The following TRAPPC9 variants were observed in gnomAD, a reference collection of about 807,000 sequenced individuals.
TRAPPC9 encodes trafficking protein particle complex subunit 9.
Under a neutral mutation model 124.0 loss-of-function variants are expected in TRAPPC9, and 83 were observed. The observed-to-expected ratio is 0.67, with a 90% CI of 0.56 to 0.80. TRAPPC9 has a LOEUF of 0.80. Among genes scored for constraint, TRAPPC9 ranks in the 30% least tolerant of loss-of-function variants. TRAPPC9 has a pLI of 0.00. For missense variants in TRAPPC9, 1,302 were observed against 1,508.3 expected, an observed-to-expected ratio of 0.86 and a Z score of 2.27; for synonymous variants, 638 against 617.5, an observed-to-expected ratio of 1.03 and a Z score of -0.49.
chr8:139,967,541 G>A (rs2131592631), intron 19 of TRAPPC9, among the ~76,000 whole-genome samples: 1 of 152,326 alleles, frequency 6.6e-6, no homozygotes, highest in South Asian at 2.1e-4. Context: ...GGCTCCCAGT[G>A]GAGAGACTGA....
chr8:139,960,451 T>G (rs1835303807), intron 19 of TRAPPC9, among the ~76,000 whole-genome samples: 2 of 152,180 alleles, frequency 1.3e-5, no homozygotes, highest in South Asian at 4.1e-4. Flanking sequence ...TGGTCTGAAC[T>G]GGCCACCCCT....
intron 20 of TRAPPC9, among the ~76,000 whole-genome samples, chr8:139,901,634 G>T (rs929201893): frequency 6.6e-6 from 1 of 152,200 alleles, no homozygotes; most frequent in Non-Finnish European, 1.5e-5. Context: ...TGGGGCGATG[G>T]GTACCAATCA....
At chr8:140,351,215 TC>T (rs769591281) in intron 9 of TRAPPC9, among the ~76,000 whole-genome samples, 7 of 114,810 alleles carry the variant, frequency 6.1e-5, no homozygotes, top group Non-Finnish European at 9.0e-5. Context: ...GCTGCCATTC[TC>T]CCCGCACCCC....
intron 10 of TRAPPC9, 38 bp from the exon 11 acceptor site, chr8:140,300,652 T>C: frequency 6.2e-7 from 1 of 1,613,590 alleles, no homozygotes. Context: ...TTCAACTGTC[T>C]GGTTAGCGTG....
chr8:140,422,457 T>C (rs1037560427), intron 5 of TRAPPC9, among the ~76,000 whole-genome samples: 4 of 151,976 alleles, frequency 2.6e-5, no homozygotes, highest in Non-Finnish European at 5.9e-5. Context: ...ATAGAATATA[T>C]AAAAAACTGT....
chr8:140,291,839 T>C (rs1452396115), intron 11 of TRAPPC9, among the ~76,000 whole-genome samples: 1 of 152,194 alleles, frequency 6.6e-6, no homozygotes, highest in Non-Finnish European at 1.5e-5. Context: ...GAGCAGCCTC[T>C]GGGAGCTGAA....
At chr8:140,350,487 T>A (rs1266105804) in intron 9 of TRAPPC9, among the ~76,000 whole-genome samples, 1 of 152,216 alleles carries the variant, frequency 6.6e-6, no homozygotes, top group Admixed American at 6.5e-5. Flanking sequence ...AGGGAGGCTG[T>A]CCATCCATTT....
chr8:140,089,773 T>A (rs773118454), intron 17 of TRAPPC9, among the ~76,000 whole-genome samples: 7 of 152,006 alleles, frequency 4.6e-5, no homozygotes, highest in African/African-American at 7.2e-5. Flanking sequence ...CTTCTGAGTG[T>A]TTGCTTAAAA....
At chr8:139,912,327 C>T (rs6994904) in intron 19 of TRAPPC9, among the ~76,000 whole-genome samples, 33,752 of 152,110 alleles carry the variant, frequency 0.22, 3,996 homozygotes, top group African/African-American at 0.32. Context: ...TTTCCCATCG[C>T]TAAAAATTAG....
chr8:139,853,149 C>T (rs182232399), intron 21 of TRAPPC9, among the ~76,000 whole-genome samples: 39 of 152,168 alleles, frequency 2.6e-4, no homozygotes, highest in Non-Finnish European at 5.3e-4. Context: ...AGGCCTCTGG[C>T]CCCCAGGCCT....
chr8:139,793,377 G>A (rs1822831138), intron 21 of TRAPPC9, among the ~76,000 whole-genome samples: 1 of 152,178 alleles, frequency 6.6e-6, no homozygotes, highest in Non-Finnish European at 1.5e-5. Flanking sequence ...CTGCAGGTCT[G>A]TCACTCATCA....
At chr8:140,210,827 T>C (rs2063043461) in intron 17 of TRAPPC9, among the ~76,000 whole-genome samples, 1 of 152,194 alleles carries the variant, frequency 6.6e-6, no homozygotes, top group African/African-American at 2.4e-5. Flanking sequence ...CCTGTGGCCA[T>C]GCTCCTCACA....
At chr8:139,771,678 G>A (rs957894684) in intron 21 of TRAPPC9, among the ~76,000 whole-genome samples, 29 of 152,210 alleles carry the variant, frequency 1.9e-4, no homozygotes, top group African/African-American at 6.5e-4. Flanking sequence ...TAGGCGCTGA[G>A]GACCACACGG....
intron 10 of TRAPPC9, among the ~76,000 whole-genome samples, chr8:140,305,109 A>G (rs2066087325): frequency 6.6e-6 from 1 of 152,212 alleles, no homozygotes; most frequent in Admixed American, 6.5e-5. Context: ...TGTGACTGAT[A>G]CATGCCTGTT....
chr8:139,905,908 C>T (rs917262969), intron 20 of TRAPPC9, among the ~76,000 whole-genome samples: 1 of 151,910 alleles, frequency 6.6e-6, no homozygotes, highest in African/African-American at 2.4e-5. Context: ...TTATGGCCAA[C>T]ATGGTGAAAC....
intron 17 of TRAPPC9, among the ~76,000 whole-genome samples, chr8:140,030,171 T>C (rs1445237449): frequency 2.0e-5 from 3 of 152,184 alleles, no homozygotes; most frequent in Non-Finnish European, 2.9e-5. Flanking sequence ...GAAAAACCTA[T>C]AGTCAAAACC....
intron 21 of TRAPPC9, among the ~76,000 whole-genome samples, chr8:139,760,950 G>T (rs1184152114): frequency 6.6e-6 from 1 of 152,156 alleles, no homozygotes; most frequent in Non-Finnish European, 1.5e-5. Flanking sequence ...TATCAGATGG[G>T]GTGGGTAGCT....
intron 21 of TRAPPC9, among the ~76,000 whole-genome samples, chr8:139,740,240 T>C (rs1818464538): frequency 6.6e-6 from 1 of 152,248 alleles, no homozygotes; most frequent in Non-Finnish European, 1.5e-5. Flanking sequence ...CTGTTTCACA[T>C]TTAATACCAG....
intron 17 of TRAPPC9, among the ~76,000 whole-genome samples, chr8:140,151,547 G>C (rs1352346449): frequency 1.3e-5 from 2 of 152,130 alleles, no homozygotes; most frequent in Non-Finnish European, 2.9e-5. Context: ...ACGTGAGCCT[G>C]CCTCCAAATG....
Sources: gnomAD v4.1 joint callset for allele counts (sites outside exome capture counted in the v4.1 genomes callset) on GRCh38, gnomAD v4.1.1 for gene constraint, MANE v1.5 for transcripts, NCBI Gene and HGNC (gene_info 2026-07-23, HGNC 2026-07-21) for gene names.